Variants in LTBP1 observed in about 807,000 individuals in gnomAD.
LTBP1 encodes the protein latent-transforming growth factor beta-binding protein 1.
LTBP1 carries 129 observed loss-of-function variants against 207.6 expected under a neutral mutation model. The ratio of observed to expected loss-of-function variants is 0.62; its 90% CI spans 0.54 to 0.72. The LOEUF (loss-of-function observed/expected upper bound fraction) is 0.72, where lower values mean the gene tolerates loss of function less well. Ranked by LOEUF, LTBP1 falls within the 30% of genes least tolerant of loss-of-function variation. The pLI, the probability that LTBP1 is intolerant of heterozygous loss-of-function variation, is 0.00. For missense variants in LTBP1, 2,281 were observed against 2,217.2 expected, an observed-to-expected ratio of 1.03 and a Z score of -0.58; for synonymous variants, 963 against 833.7, an observed-to-expected ratio of 1.16 and a Z score of -2.67.
Position 32,947,743 on chromosome 2 carries a change from G to C in LTBP1, c.419G>C (p.Arg140Pro). 3 of 1,535,438 alleles carry C rather than the reference G, an allele frequency of 2.0e-6. No individual in the cohort carries two copies. Among genetic ancestry groups the C allele is most frequent in the Non-Finnish European group, 2.6e-6 (3 of 1,142,490 alleles). ...PFTKQGRQVV[R>P]SKVPQETQSG... ...ACCAAACAAGGCAGGCAAGTTGTGC[G>C]CTCCAAGGTGCCGCAGGAGACCCAG... Residue 140 changes from arginine (R) to proline (P), a missense_variant, in exon 1 of 34, where the codon CGC becomes CCC. By Grantham distance (103) the Arg-to-Pro change is moderately radical. Coordinates refer to ENST00000404816, the MANE Select transcript of LTBP1 (RefSeq NM_206943.4).
intron 7 of LTBP1, among the ~76,000 whole-genome samples, chr2:33,211,341 G>A (rs2090295380): frequency 6.6e-6 from 1 of 152,212 alleles, no homozygotes; most frequent in Non-Finnish European, 1.5e-5. Flanking sequence ...GGGGCCTGGA[G>A]TCCAGCCCAT....
At chr2:33,161,559 G>T (rs535661428) in intron 5 of LTBP1, among the ~76,000 whole-genome samples, 1 of 152,140 alleles carries the variant, frequency 6.6e-6, no homozygotes, top group African/African-American at 2.4e-5. Flanking sequence ...GAGCCACCAC[G>T]CCCGGCCAGG....
chr2:33,300,465 C>T lies in LTBP1; in HGVS notation c.3250C>T (p.Gln1084Ter). The T allele has an allele frequency of 6.2e-7, 1 of 1,613,260 alleles. No individual in the cohort carries two copies. ...TGTGTTTGCAGATATTGATGAATGT[C>T]AGCAAGGGAATCTATGTGTAAACGG... The part of the protein sequence containing the change: ...HKHCRDIDEC[Q>*]QGNLCVNGQC... Residue 1084 changes from glutamine to a stop codon, truncating the protein, a stop_gained, in exon 21 of 34, where the codon CAG becomes TAG. Transcript: ENST00000404816. LOFTEE classifies it high-confidence loss of function.
At chr2:33,397,369 C>T in intron 33 of LTBP1, 87 bp downstream of exon 33, 1 of 1,504,048 alleles carries the variant, frequency 6.6e-7, no homozygotes, top group Non-Finnish European at 9.2e-7. Flanking sequence ...GATAGATTTG[C>T]TGAGTTTCAG....
At chr2:33,297,403 A>ATTTATTTT (rs2093898929) in intron 20 of LTBP1, among the ~76,000 whole-genome samples, 5 of 9,572 alleles carry the variant, frequency 5.2e-4, no homozygotes, top group Non-Finnish European at 1.0e-3. Flanking sequence ...ATACTGCTTT[A>ATTTATTTT]TTTATTTATT....
chr2:32,981,357 C>T (rs1572926415), intron 2 of LTBP1, among the ~76,000 whole-genome samples: 1 of 152,158 alleles, frequency 6.6e-6, no homozygotes, highest in East Asian at 1.9e-4. Flanking sequence ...AAGGTTTCTG[C>T]TCAGGTGTTT....
At chr2:33,304,302 A>G (rs775450549) in intron 22 of LTBP1, among the ~76,000 whole-genome samples, 4 of 152,168 alleles carry the variant, frequency 2.6e-5, no homozygotes, top group Non-Finnish European at 5.9e-5. Context: ...CTAATTCCCA[A>G]CTAGCAATGT....
chr2:33,043,396 A>G (rs2076288620), intron 3 of LTBP1, among the ~76,000 whole-genome samples: 1 of 152,152 alleles, frequency 6.6e-6, no homozygotes, highest in Non-Finnish European at 1.5e-5. Context: ...AAAATCGTAT[A>G]TTATTGTGTT....
At chr2:33,368,224 A>T (rs1343763891) in intron 31 of LTBP1, among the ~76,000 whole-genome samples, 1 of 151,998 alleles carries the variant, frequency 6.6e-6, no homozygotes, top group East Asian at 1.9e-4. Flanking sequence ...AAAAGAAGTT[A>T]CATCATTTGA....
At chr2:33,333,004 G>C (rs1190408297) in intron 24 of LTBP1, 1 of 152,252 alleles carries the variant, frequency 6.6e-6, no homozygotes, top group Admixed American at 6.5e-5. Flanking sequence ...AGCAAGGGTA[G>C]AGCTAGGGAG....
chr2:33,003,326 T>A (rs1008672133), intron 2 of LTBP1, among the ~76,000 whole-genome samples: 2 of 152,222 alleles, frequency 1.3e-5, no homozygotes, highest in African/African-American at 4.8e-5. Flanking sequence ...CACTCCCTGC[T>A]TTGCTCCCCC....
At chr2:33,242,523 C>T (rs1186940020) in intron 9 of LTBP1, among the ~76,000 whole-genome samples, 1 of 152,034 alleles carries the variant, frequency 6.6e-6, no homozygotes, top group African/African-American at 2.4e-5. Context: ...AACTCCTCTT[C>T]TTCCTGCCTT....
At chr2:33,139,825 A>G (rs1174817877) in intron 5 of LTBP1, among the ~76,000 whole-genome samples, 1 of 152,240 alleles carries the variant, frequency 6.6e-6, no homozygotes, top group African/African-American at 2.4e-5. Flanking sequence ...GAATAGTTTC[A>G]CTTAAATGTG....
At chr2:33,219,689 T>C (rs1332139352) in intron 8 of LTBP1, among the ~76,000 whole-genome samples, 1 of 152,176 alleles carries the variant, frequency 6.6e-6, no homozygotes, top group South Asian at 2.1e-4. Flanking sequence ...TAAGTCTATG[T>C]TCTCTAATAT....
chr2:33,103,411 G>A (rs1036328026), intron 3 of LTBP1, among the ~76,000 whole-genome samples: 1 of 152,156 alleles, frequency 6.6e-6, no homozygotes, highest in African/African-American at 2.4e-5. Flanking sequence ...TTGTCTGTAT[G>A]CATAGTTTGT....
intron 7 of LTBP1, among the ~76,000 whole-genome samples, chr2:33,195,403 T>G (rs1211036003): frequency 6.6e-6 from 1 of 152,160 alleles, no homozygotes; most frequent in Non-Finnish European, 1.5e-5. Context: ...TTAATTAAAT[T>G]AGATACTTGA....
At position 33,330,614 on chromosome 2, in the gene LTBP1, A is replaced by G. The variant is rs188553994; in HGVS notation, c.3731-12224A>G. ...TTTCTGCATCTGTTGAAATAATTAC[A>G]TTATTTTCTTCTTTATTCTGTTAAT... is the stretch of plus-strand genomic sequence containing the variant. On this transcript the variant is annotated intron_variant, in intron 24 of 33. Transcript: ENST00000404816. 1.5e-4 allele frequency among the ~76,000 whole-genome samples: 23 copies of G among 151,790 alleles called. No homozygotes were observed. The East Asian group carries it at 4.2e-3, about 28-fold the overall frequency.
intron 4 of LTBP1, among the ~76,000 whole-genome samples, chr2:33,124,341 C>T (rs1338262682): frequency 2.6e-5 from 4 of 151,882 alleles, no homozygotes; most frequent in Non-Finnish European, 4.4e-5. Context: ...ACCCAGAAGG[C>T]GGAGGTTGCA....
intron 7 of LTBP1, among the ~76,000 whole-genome samples, chr2:33,200,804 A>C (rs919399635): frequency 3.3e-5 from 5 of 152,194 alleles, no homozygotes; most frequent in African/African-American, 7.2e-5. Context: ...ACCCCATCAA[A>C]AAGTGGGCGA....
Sources: allele counts gnomAD v4.1 joint callset (sites outside exome capture counted in the v4.1 genomes callset), GRCh38; gene constraint gnomAD v4.1.1; transcripts MANE v1.5; gene names NCBI Gene and HGNC (gene_info 2026-07-23, HGNC 2026-07-21).